ERI1: variants seen among roughly 807,000 people sequenced by gnomAD.
ERI1 encodes the protein exoribonuclease 1, also known as 3'-5' exoribonuclease 1.
A neutral mutation model predicts 39.7 loss-of-function variants in ERI1; 39 were observed. That is an observed-to-expected ratio of 0.98 (90% confidence interval 0.76 to 1.28). The LOEUF is 1.28. ERI1 is among the 50% of genes most tolerant of loss of function. The pLI is 0.00. For synonymous variants in ERI1, 204 were observed against 149.6 expected (o/e 1.36, Z -2.65); for missense variants, 581 against 416.9 (o/e 1.39, Z -3.43).
intron 3 of ERI1, among the ~76,000 whole-genome samples, chr8:9,085,764 G>A (rs1245621250): frequency 6.6e-6 from 1 of 152,008 alleles, no homozygotes; most frequent in Non-Finnish European, 1.5e-5. Flanking sequence ...ACAGGAATAT[G>A]TGACGCTAAT....
In ERI1 at chr8:9,030,259, T is replaced by G; in HGVS notation, c.*225T>G. On this transcript the variant is annotated 3_prime_UTR_variant, in exon 7 of 7. Transcript: ENST00000250263. ...GATATGAACAGTATTCGTTACATAG[T>G]AACAGTTCCTGCTTACAACTGAATT... The G allele has an allele frequency of 1.8e-6, 1 of 543,908 alleles. No individual in the cohort carries two copies. The highest frequency in any genetic ancestry group is 3.2e-6 in the Non-Finnish European group (1 of 311,070). The allele number at this position is 543,908 out of a possible 1,614,324, so 33.7% of individuals were successfully genotyped here. A position where few individuals can be genotyped will look rare whatever the true frequency, so the allele number is the denominator to read the frequency against.
At chr8:9,003,979 C>T (rs1251592577) in intron 1 of ERI1, 2 of 790,616 alleles carry the variant, frequency 2.5e-6, no homozygotes, top group Admixed American at 2.3e-5. Flanking sequence ...GGCTTATTCC[C>T]CTCCTGAGTC....
downstream of ERI1, among the ~76,000 whole-genome samples, chr8:9,037,200 T>C (rs1440798510): frequency 6.6e-6 from 1 of 152,176 alleles, no homozygotes; most frequent in Non-Finnish European, 1.5e-5. Flanking sequence ...ACCTTCACAG[T>C]CTGATTTCTG....
At chr8:9,063,095 G>C (rs1163287599) in intron 3 of ERI1, among the ~76,000 whole-genome samples, 1 of 152,204 alleles carries the variant, frequency 6.6e-6, no homozygotes, top group Non-Finnish European at 1.5e-5. Context: ...ATTAAGTCCT[G>C]TTGTGGGGTT....
chr8:9,059,005 A>G (rs1384516119), intron 3 of ERI1, among the ~76,000 whole-genome samples: 7 of 152,110 alleles, frequency 4.6e-5, no homozygotes, highest in Admixed American at 4.6e-4. Context: ...GCTGAGTCCA[A>G]AAAGAGTCAG....
intron 6 of ERI1, among the ~76,000 whole-genome samples, chr8:9,024,723 C>G (rs1818290549): frequency 6.6e-6 from 1 of 152,138 alleles, no homozygotes; most frequent in South Asian, 2.1e-4. Flanking sequence ...CCAGGCCCAG[C>G]CTCTTTATGT....
chr8:9,024,484 G>A (rs1818264762), intron 6 of ERI1, among the ~76,000 whole-genome samples: 1 of 151,710 alleles, frequency 6.6e-6, no homozygotes, highest in African/African-American at 2.4e-5. Flanking sequence ...GCAGTGGTGG[G>A]GTCTCAGTTC....
chr8:9,005,715 C>G (rs940921385), intron 1 of ERI1, among the ~76,000 whole-genome samples: 3 of 152,122 alleles, frequency 2.0e-5, no homozygotes, highest in East Asian at 1.9e-4. Context: ...ACCGTGGTCT[C>G]TATCTCCTGA....
chr8:9,056,191 C>T (rs1798500567), intron 3 of ERI1, among the ~76,000 whole-genome samples: 1 of 152,188 alleles, frequency 6.6e-6, no homozygotes, highest in African/African-American at 2.4e-5. Flanking sequence ...GCTGTGATCC[C>T]CAGCTCCGCT....
chr8:9,044,041 C>T (rs1733893120), intron 3 of ERI1, among the ~76,000 whole-genome samples: 1 of 152,078 alleles, frequency 6.6e-6, no homozygotes, highest in Non-Finnish European at 1.5e-5. Flanking sequence ...GGTGGTGGGA[C>T]CTCAGCAAGT....
At chr8:9,012,339 T>G (rs1350534199) in intron 3 of ERI1, among the ~76,000 whole-genome samples, 1 of 152,234 alleles carries the variant, frequency 6.6e-6, no homozygotes, top group African/African-American at 2.4e-5. Flanking sequence ...CTTTATTAGT[T>G]AAGAAAGTCT....
At chr8:9,059,403 A>G (rs958722811) in intron 3 of ERI1, among the ~76,000 whole-genome samples, 1 of 152,154 alleles carries the variant, frequency 6.6e-6, no homozygotes, top group East Asian at 1.9e-4. Flanking sequence ...GTTTGGAGAG[A>G]TAACGGGCGA....
At position 9,030,518 on chromosome 8, in the gene ERI1, G is replaced by A. The variant is rs1259962409; in HGVS notation, c.*484G>A. The A allele has an allele frequency of 6.3e-6, 1 of 159,624 alleles. No individual in the cohort carries two copies. The highest frequency in any genetic ancestry group is 2.4e-5 in the African/African-American group (1 of 41,486). The allele number at this position is 159,624 out of a possible 1,614,324, so 9.9% of individuals were successfully genotyped here. On this transcript the variant is annotated 3_prime_UTR_variant, in exon 7 of 7. Transcript: ENST00000250263. ...CTTTTGATTTTCAAAGTTTATATGT[G>A]AAGTTCACCATGTATGTGGTGAATT...
At chr8:9,035,305 A>T (rs1797807677), downstream of ERI1, among the ~76,000 whole-genome samples, 1 of 152,238 alleles carries the variant, frequency 6.6e-6, no homozygotes, top group Non-Finnish European at 1.5e-5. Context: ...AACATCTAGG[A>T]CTTTGATAGC....
chr8:9,034,491 G>T (rs1797777118), downstream of ERI1, among the ~76,000 whole-genome samples: 1 of 151,906 alleles, frequency 6.6e-6, no homozygotes, highest in Non-Finnish European at 1.5e-5. Flanking sequence ...CAAACTTTTT[G>T]ATTATTATTA....
intron 3 of ERI1, among the ~76,000 whole-genome samples, chr8:9,061,562 G>A (rs1378903052): frequency 1.3e-5 from 2 of 152,192 alleles, no homozygotes; most frequent in Non-Finnish European, 2.9e-5. Context: ...AAACAGTAAG[G>A]TCAAGTTGTT....
intron 3 of ERI1, among the ~76,000 whole-genome samples, chr8:9,045,029 A>G (rs1798133002): frequency 6.6e-6 from 1 of 151,938 alleles, no homozygotes; most frequent in Non-Finnish European, 1.5e-5. Context: ...CGAGGTCAGG[A>G]GATCGAGACC....
chr8:9,071,452 C>T (rs944384871), intron 3 of ERI1, among the ~76,000 whole-genome samples: 3 of 152,160 alleles, frequency 2.0e-5, no homozygotes, highest in African/African-American at 7.2e-5. Flanking sequence ...GTAATGCCAG[C>T]TCTATGTGAA....
intron 6 of ERI1, among the ~76,000 whole-genome samples, chr8:9,028,344 C>T (rs755860201): frequency 5.3e-5 from 8 of 152,064 alleles, no homozygotes; most frequent in Non-Finnish European, 7.4e-5. Context: ...CTAAGTTATC[C>T]AGTGTGTTGG....
Sources: gnomAD v4.1 joint callset for allele counts (sites outside exome capture counted in the v4.1 genomes callset) on GRCh38, gnomAD v4.1.1 for gene constraint, MANE v1.5 for transcripts, NCBI Gene and HGNC (gene_info 2026-07-23, HGNC 2026-07-21) for gene names.